GALNT17: variants seen among roughly 807,000 people sequenced by gnomAD.
The protein encoded by GALNT17 is UDP-GalNAc:polypeptide N-acetylgalactosaminyltransferase-like 3.
Under a neutral mutation model 63.7 loss-of-function variants are expected in GALNT17, and 29 were observed. The ratio of observed to expected loss-of-function variants is 0.46; its 90% CI spans 0.34 to 0.62. The LOEUF (loss-of-function observed/expected upper bound fraction) is 0.62, where lower values mean the gene tolerates loss of function less well. Ranked by LOEUF, GALNT17 falls within the 20% of genes least tolerant of loss-of-function variation. The pLI, the probability that GALNT17 is intolerant of heterozygous loss-of-function variation, is 0.01. For missense variants in GALNT17, 603 were observed against 799.6 expected, an observed-to-expected ratio of 0.75 and a Z score of 2.97; for synonymous variants, 305 against 318.3, an observed-to-expected ratio of 0.96 and a Z score of 0.45.
intron 6 of GALNT17, among the ~76,000 whole-genome samples, chr7:71,579,115 G>A (rs1562698591): frequency 6.6e-6 from 1 of 152,178 alleles, no homozygotes; most frequent in African/African-American, 2.4e-5. Context: ...TGGATCCAAG[G>A]CCTGGTGTGA....
At chr7:71,353,093 G>A (rs1381417158) in intron 2 of GALNT17, among the ~76,000 whole-genome samples, 1 of 151,790 alleles carries the variant, frequency 6.6e-6, no homozygotes, top group Non-Finnish European at 1.5e-5. Context: ...TTTGGGGGGT[G>A]GGGGTCAAAG....
At chr7:71,547,499 G>A (rs564890373) in intron 5 of GALNT17, among the ~76,000 whole-genome samples, 3 of 152,040 alleles carry the variant, frequency 2.0e-5, no homozygotes, top group East Asian at 1.9e-4. Flanking sequence ...TTGGCCAGGC[G>A]GGTCTGGAAC....
chr7:71,696,571 A>T (rs1461938050), intron 9 of GALNT17, among the ~76,000 whole-genome samples: 1 of 152,124 alleles, frequency 6.6e-6, no homozygotes, highest in Non-Finnish European at 1.5e-5. Flanking sequence ...GCAATTATTT[A>T]TCTGGTTTTT....
intron 5 of GALNT17, among the ~76,000 whole-genome samples, chr7:71,436,037 A>G (rs575404398): frequency 6.6e-6 from 1 of 151,398 alleles, no homozygotes; most frequent in African/African-American, 2.4e-5. Flanking sequence ...AGAAAAAAAA[A>G]AAAAACAACT....
intron 2 of GALNT17, among the ~76,000 whole-genome samples, chr7:71,358,754 T>TTTTTC (rs1344916779): frequency 2.0e-5 from 3 of 152,126 alleles, no homozygotes; most frequent in East Asian, 1.9e-4. Context: ...TTTTCTTTCT[T>TTTTTC]TTTTCTTTTC....
At chr7:71,417,213 T>A (rs1257205530) in intron 4 of GALNT17, among the ~76,000 whole-genome samples, 1 of 152,216 alleles carries the variant, frequency 6.6e-6, no homozygotes, top group Non-Finnish European at 1.5e-5. Flanking sequence ...CCATCACTAA[T>A]TAACATTAAA....
chr7:71,425,321 C>T (rs1455556683), intron 5 of GALNT17, among the ~76,000 whole-genome samples: 3 of 151,934 alleles, frequency 2.0e-5, no homozygotes, highest in South Asian at 4.1e-4. Context: ...CTCCCGGGTT[C>T]GAGCAATTCT....
intron 1 of GALNT17, among the ~76,000 whole-genome samples, chr7:71,181,995 G>A (rs1450650504): frequency 6.6e-6 from 1 of 152,136 alleles, no homozygotes; most frequent in Non-Finnish European, 1.5e-5. Context: ...GACCAATATG[G>A]AGAAACTCCG....
At chr7:71,669,712 C>T (rs1169609527) in intron 7 of GALNT17, among the ~76,000 whole-genome samples, 1 of 151,902 alleles carries the variant, frequency 6.6e-6, no homozygotes, top group Non-Finnish European at 1.5e-5. Context: ...CAGGTGCCCA[C>T]CACCATGCCC....
At chr7:71,327,802 C>T (rs1359644134) in intron 1 of GALNT17, among the ~76,000 whole-genome samples, 2 of 152,130 alleles carry the variant, frequency 1.3e-5, no homozygotes, top group Non-Finnish European at 2.9e-5. Context: ...GAGTGGTTAA[C>T]AGAATGCAAG....
At chr7:71,208,874 T>C (rs924822348) in intron 1 of GALNT17, among the ~76,000 whole-genome samples, 1 of 152,222 alleles carries the variant, frequency 6.6e-6, no homozygotes. Context: ...AACATTACAC[T>C]CGGAGGAAAC....
At chr7:71,214,473 T>A (rs1789438268) in intron 1 of GALNT17, among the ~76,000 whole-genome samples, 1 of 152,178 alleles carries the variant, frequency 6.6e-6, no homozygotes, top group Non-Finnish European at 1.5e-5. Flanking sequence ...CTTTGACAGT[T>A]CTGGAAGAAT....
At chr7:71,549,804 T>A (rs1263690679) in intron 5 of GALNT17, among the ~76,000 whole-genome samples, 1 of 151,850 alleles carries the variant, frequency 6.6e-6, no homozygotes, top group Non-Finnish European at 1.5e-5. Context: ...GTTTCATGGG[T>A]CTTCTGGGAA....
At chr7:71,457,612 A>C (rs1787377775) in intron 5 of GALNT17, among the ~76,000 whole-genome samples, 1 of 152,180 alleles carries the variant, frequency 6.6e-6, no homozygotes, top group Admixed American at 6.5e-5. Context: ...CCCTTTTTAC[A>C]CCATATAGGG....
intron 3 of GALNT17, among the ~76,000 whole-genome samples, chr7:71,401,250 C>T (rs1793235149): frequency 6.6e-6 from 1 of 151,956 alleles, no homozygotes; most frequent in African/African-American, 2.4e-5. Context: ...GTGCCCACCA[C>T]CACACCTGGC....
chr7:71,496,673 C>T (rs533081373), intron 5 of GALNT17, among the ~76,000 whole-genome samples: 1 of 152,118 alleles, frequency 6.6e-6, no homozygotes, highest in South Asian at 2.1e-4. Context: ...TCCTAAGCCC[C>T]CAGCTGCCCT....
chr7:71,170,881 A>G (rs1353793467), intron 1 of GALNT17, among the ~76,000 whole-genome samples: 1 of 151,950 alleles, frequency 6.6e-6, no homozygotes, highest in Non-Finnish European at 1.5e-5. Context: ...ATTTTACTTT[A>G]TAGCTATTTT....
intron 5 of GALNT17, among the ~76,000 whole-genome samples, chr7:71,566,524 G>T (rs1789351374): frequency 6.6e-6 from 1 of 152,094 alleles, no homozygotes; most frequent in Admixed American, 6.6e-5. Context: ...ACATCTCCCA[G>T]TCCCCTGCTT....
chr7:71,635,896 A>G lies in GALNT17; in HGVS notation c.1081-29515A>G, dbSNP rs191353707. On this transcript the variant is annotated intron_variant, in intron 6 of 10. Transcript: ENST00000333538. ...ACGACCAGAGGTCACTCTCGTCACC[A>G]TCTTGGTTTTGGTGTGTTTTGGCCA... 6.7e-3 allele frequency among the ~76,000 whole-genome samples: 1,027 copies of G among 152,224 alleles called. 4 individuals carry two copies. The highest frequency in any genetic ancestry group is 9.1e-3 in the Non-Finnish European group (620 of 68,014).
Sources: gnomAD v4.1 joint callset for allele counts (sites outside exome capture counted in the v4.1 genomes callset) on GRCh38, gnomAD v4.1.1 for gene constraint, MANE v1.5 for transcripts, NCBI Gene and HGNC (gene_info 2026-07-23, HGNC 2026-07-21) for gene names.